The following SLF2 variants were observed in gnomAD, a reference collection of about 807,000 sequenced individuals.
The protein encoded by SLF2 is SMC5/6 complex localization factor 2.
Under a neutral mutation model 124.3 loss-of-function variants are expected in SLF2, and 68 were observed. The observed-to-expected ratio is 0.55, with a 90% CI of 0.45 to 0.67. The LOEUF (loss-of-function observed/expected upper bound fraction) is 0.67, where lower values mean the gene tolerates loss of function less well. SLF2 is among the 30% of genes least tolerant of loss of function. The pLI, the probability that SLF2 is intolerant of heterozygous loss-of-function variation, is 0.00. For synonymous variants in SLF2, 480 were observed against 478.8 expected (o/e 1.00, Z -0.03); for missense variants, 1,246 against 1,373.7 (o/e 0.91, Z 1.47).
At chr10:100,936,110 T>A (rs997872064) in intron 9 of SLF2, among the ~76,000 whole-genome samples, 2 of 151,882 alleles carry the variant, frequency 1.3e-5, no homozygotes, top group African/African-American at 4.8e-5. Context: ...ATCCTCCCAC[T>A]GCAGCCTCCC....
intron 10 of SLF2, 41 bp from the exon 11 acceptor site, chr10:100,938,554 G>A: frequency 6.3e-7 from 1 of 1,577,732 alleles, no homozygotes; most frequent in Non-Finnish European, 8.6e-7. Flanking sequence ...TGGGTTTGTA[G>A]ACCACAGATT....
chr10:100,924,267 T>C lies in SLF2; in HGVS notation c.1266T>C (p.Asn422=). ...ATTCTGGCCACCATTCTACCAGGAATAGTGACCAAATCCAAGTGGCAGGTA... is the reference window on the plus strand; with the variant it reads ...ATTCTGGCCACCATTCTACCAGGAACAGTGACCAAATCCAAGTGGCAGGTA... ...SGNSGHHSTR[N]SDQIQVAGTK... The change falls in exon 5 of 20, where the codon AAT becomes AAC. Residue 422 remains asparagine (N), a synonymous_variant. Coordinates refer to ENST00000238961, the MANE Select transcript of SLF2 (RefSeq NM_018121.4). 6.2e-7 allele frequency: 1 copy of C among 1,614,110 alleles called. No homozygotes were observed. Among genetic ancestry groups the C allele is most frequent in the Non-Finnish European group, 8.5e-7 (1 of 1,180,020 alleles).
chr10:100,913,050 G>T lies in SLF2; in HGVS notation c.-61G>T. 6.3e-7 allele frequency: 1 copy of T among 1,579,194 alleles called. No homozygotes were observed. On this transcript the variant is annotated 5_prime_UTR_variant, in exon 1 of 20. Coordinates refer to ENST00000238961, the MANE Select transcript of SLF2 (RefSeq NM_018121.4). Reference sequence around the variant, plus strand: ...CCTCCCGGAGTCCCAGCAGCAAGACGGCAACCACGCACCCAACTTCTCCAG... The same window carrying T: ...CCTCCCGGAGTCCCAGCAGCAAGACTGCAACCACGCACCCAACTTCTCCAG...
At chr10:100,959,372 A>C in intron 18 of SLF2, 56 bp from the exon 19 acceptor site, 4 of 1,519,936 alleles carry the variant, frequency 2.6e-6, no homozygotes, top group Non-Finnish European at 3.5e-6. Context: ...TGTTAAGCTG[A>C]TTGTAGGTGA....
chr10:100,950,994 A>G (rs534465390), intron 17 of SLF2, among the ~76,000 whole-genome samples: 84 of 152,372 alleles, frequency 5.5e-4, no homozygotes, highest in African/African-American at 1.9e-3. Context: ...TAATCCCAAC[A>G]CTTTGGGAGG....
chr10:100,921,330 C>T (rs1046186929), intron 4 of SLF2, among the ~76,000 whole-genome samples: 5 of 152,198 alleles, frequency 3.3e-5, no homozygotes, highest in Non-Finnish European at 5.9e-5. Context: ...AATCCTCCTG[C>T]CTCAGCCTCC....
intron 6 of SLF2, among the ~76,000 whole-genome samples, chr10:100,928,069 G>A (rs1535348): frequency 0.41 from 33,952 of 82,526 alleles, 6,901 homozygotes; most frequent in Middle Eastern, 0.55. Context: ...ACACACACAC[G>A]AGAGAGAGAC....
chr10:100,956,598 A>G, intron 18 of SLF2, 61 bp downstream of exon 18: 1 of 1,275,184 alleles, frequency 7.8e-7, no homozygotes, highest in African/African-American at 1.5e-5. Flanking sequence ...GTTAATATTT[A>G]AGGATAGAAG....
Position 100,913,256 on chromosome 10 carries a change from G to A in SLF2, c.140+6G>A. 1.3e-6 allele frequency: 2 copies of A among 1,589,136 alleles called. No individual in the cohort carries two copies. The highest frequency in any genetic ancestry group is 1.7e-6 in the Non-Finnish European group (2 of 1,167,418). On this transcript the variant is annotated splice_donor_region_variant and intron_variant, in intron 1 of 19. Coordinates refer to ENST00000238961, the MANE Select transcript of SLF2 (RefSeq NM_018121.4). Reference sequence around the variant, plus strand: ...ACAGAGAGTCCTGGGGACAGGTACCGTGCAGAGGGCTTGAGAAGGGGCCGG... The same window carrying A: ...ACAGAGAGTCCTGGGGACAGGTACCATGCAGAGGGCTTGAGAAGGGGCCGG...
intron 17 of SLF2, among the ~76,000 whole-genome samples, chr10:100,954,694 A>G (rs190036462): frequency 1.6e-4 from 25 of 152,302 alleles, no homozygotes; most frequent in Admixed American, 1.5e-3. Flanking sequence ...CTGTAATCCA[A>G]CACTTGGGGA....
chr10:100,960,155 T>C (rs1270097671), intron 19 of SLF2, among the ~76,000 whole-genome samples: 1 of 152,244 alleles, frequency 6.6e-6, no homozygotes, highest in Non-Finnish European at 1.5e-5. Context: ...TGTATGGATA[T>C]GTCACATTTA....
chr10:100,960,904 C>T (rs1850413963), intron 19 of SLF2, among the ~76,000 whole-genome samples: 1 of 143,334 alleles, frequency 7.0e-6, no homozygotes, highest in South Asian at 2.4e-4. Flanking sequence ...TGACGCTTCT[C>T]AAATTTTAAT....
At chr10:100,929,213 G>T in intron 6 of SLF2, 104 bp from the exon 7 acceptor site, 1 of 1,075,574 alleles carries the variant, frequency 9.3e-7, no homozygotes, top group East Asian at 2.7e-5. Context: ...TATATACCAG[G>T]GTACTTAATA....
chr10:100,956,327 A>G (rs915913873), intron 17 of SLF2, 124 bp from the exon 18 acceptor site: 50 of 665,298 alleles, frequency 7.5e-5, no homozygotes, highest in Non-Finnish European at 1.3e-4. Flanking sequence ...TGAATAGTTA[A>G]TATCAGTCAT....
Position 100,947,154 on chromosome 10 carries a change from T to A in SLF2, c.3032+18T>A. The A allele has an allele frequency of 7.0e-7, 1 of 1,430,590 alleles. No homozygotes were observed. Among genetic ancestry groups the A allele is most frequent in the Non-Finnish European group, 9.4e-7 (1 of 1,060,774 alleles). 88.6% of individuals were successfully genotyped at this position (1,430,590 alleles called of 1,614,324 possible). On this transcript the variant is annotated intron_variant, in intron 14 of 19. Coordinates refer to ENST00000238961, the MANE Select transcript of SLF2 (RefSeq NM_018121.4). ...CGTGGAAGGTATTAAAAAGTGAAAATTAAACATTAAGAAATTTTATAATTT... is the reference window on the plus strand; with the variant it reads ...CGTGGAAGGTATTAAAAAGTGAAAAATAAACATTAAGAAATTTTATAATTT...
chr10:100,947,196 C>T, intron 14 of SLF2, 60 bp downstream of exon 14: 1 of 977,742 alleles, frequency 1.0e-6, no homozygotes, highest in African/African-American at 1.7e-5. Flanking sequence ...AATGAAATGC[C>T]TTGGGTTGTT....
intron 6 of SLF2, among the ~76,000 whole-genome samples, chr10:100,928,097 GAGAGAGAA>G (rs1262781431): frequency 2.7e-5 from 3 of 112,096 alleles, no homozygotes; most frequent in Non-Finnish European, 3.9e-5. Flanking sequence ...GAGAGAGAGA[GAGAGAGAA>G]AAGTTGAGGA....
intron 15 of SLF2, among the ~76,000 whole-genome samples, chr10:100,948,707 C>T (rs1396613077): frequency 6.6e-6 from 1 of 151,952 alleles, no homozygotes; most frequent in African/African-American, 2.4e-5. Context: ...ACGGTGAAAC[C>T]CCGTCTCTAC....
chr10:100,929,137 C>A (rs1260066682), intron 6 of SLF2, among the ~76,000 whole-genome samples, 180 bp from the exon 7 acceptor site: 1 of 152,150 alleles, frequency 6.6e-6, no homozygotes, highest in Non-Finnish European at 1.5e-5. Context: ...TATCTGTTTT[C>A]ATGAAAATTG....
Sources: gnomAD v4.1 joint callset for allele counts (sites outside exome capture counted in the v4.1 genomes callset) on GRCh38, gnomAD v4.1.1 for gene constraint, MANE v1.5 for transcripts, NCBI Gene and HGNC (gene_info 2026-07-23, HGNC 2026-07-21) for gene names.